Variants in CACNA1E observed in about 807,000 individuals in gnomAD.
The protein encoded by CACNA1E is voltage-dependent R-type calcium channel subunit alpha-1E.
Under a neutral mutation model 259.2 loss-of-function variants are expected in CACNA1E, and 40 were observed. The observed-to-expected ratio is 0.15, with a 90% CI of 0.12 to 0.20. The LOEUF (loss-of-function observed/expected upper bound fraction) is 0.20. Ranked by LOEUF, CACNA1E falls within the 10% of genes least tolerant of loss-of-function variation. CACNA1E has a pLI of 1.00. For synonymous variants in CACNA1E, 1,104 were observed against 1,138.5 expected (o/e 0.97, Z 0.61); for missense variants, 1,874 against 3,040.1 (o/e 0.62, Z 9.02).
intron 1 of CACNA1E, among the ~76,000 whole-genome samples, chr1:181,502,867 T>A (rs1375027297): frequency 1.3e-5 from 2 of 152,116 alleles, no homozygotes; most frequent in South Asian, 4.1e-4. Flanking sequence ...TCTGGCTAAT[T>A]TTTGTATTAA....
At chr1:181,642,939 G>T (rs1558219252) in intron 6 of CACNA1E, among the ~76,000 whole-genome samples, 1 of 151,976 alleles carries the variant, frequency 6.6e-6, no homozygotes. Flanking sequence ...CTTTGTTATT[G>T]CATGATAGTT....
At chr1:181,713,549 A>T (rs533582872) in intron 8 of CACNA1E, among the ~76,000 whole-genome samples, 1 of 152,322 alleles carries the variant, frequency 6.6e-6, no homozygotes, top group South Asian at 2.1e-4. Flanking sequence ...TAGGAAATAC[A>T]TTATGTACTC....
intron 1 of CACNA1E, among the ~76,000 whole-genome samples, chr1:181,383,461 A>C (rs547432527): frequency 1.3e-5 from 2 of 152,346 alleles, no homozygotes; most frequent in Non-Finnish European, 2.9e-5. Context: ...AGAAGTAGTA[A>C]ACGGAGCAGT....
chr1:181,349,567 C>A (rs1652871126), intron 1 of CACNA1E, among the ~76,000 whole-genome samples: 1 of 152,084 alleles, frequency 6.6e-6, no homozygotes, highest in African/African-American at 2.4e-5. Flanking sequence ...ATGAGAGAGA[C>A]AGTGAGGGGG....
intron 1 of CACNA1E, among the ~76,000 whole-genome samples, chr1:181,400,442 G>A (rs967750949): frequency 1.3e-5 from 2 of 152,136 alleles, no homozygotes; most frequent in African/African-American, 4.8e-5. Context: ...CAGACTGGCC[G>A]TGGCTGCAGG....
In CACNA1E at chr1:181,804,825, T is replaced by A. The variant is rs1041117772; in HGVS notation, c.*5991T>A. ...ATTGCTATAAGCATTTGATTTTTTT[T>A]AAGGAAACTTCCTGTTTAATGGAAT... On this transcript the variant is annotated 3_prime_UTR_variant, in exon 48 of 48. Coordinates refer to ENST00000367573, the MANE Select transcript of CACNA1E (RefSeq NM_001205293.3). 1 of 151,982 alleles carries A rather than the reference T, an allele frequency of 6.6e-6. No individual in the cohort carries two copies. The highest frequency in any genetic ancestry group is 1.5e-5 in the Non-Finnish European group (1 of 67,986). 9.4% of individuals were successfully genotyped at this position (151,982 alleles called of 1,614,324 possible).
intron 1 of CACNA1E, among the ~76,000 whole-genome samples, chr1:181,360,527 G>T (rs888461875): frequency 6.6e-6 from 1 of 152,152 alleles, no homozygotes; most frequent in African/African-American, 2.4e-5. Flanking sequence ...TGTTTGTTTG[G>T]AATGTCCAGA....
chr1:181,660,800 A>G (rs997961215), intron 7 of CACNA1E, among the ~76,000 whole-genome samples: 8 of 152,222 alleles, frequency 5.3e-5, no homozygotes, highest in African/African-American at 1.9e-4. Flanking sequence ...ATTGAAGGTG[A>G]CTGGCTAACA....
chr1:181,733,620 G>A lies in CACNA1E; in HGVS notation c.3132G>A (p.Arg1044=). 1 of 1,612,928 alleles carries A rather than the reference G, an allele frequency of 6.2e-7. No individual in the cohort carries two copies. The highest frequency in any genetic ancestry group is 1.1e-5 in the South Asian group (1 of 90,754). Residue 1044 remains arginine, a synonymous_variant, in exon 21 of 48, where the codon CGG becomes CGA. Coordinates refer to ENST00000367573, the MANE Select transcript of CACNA1E (RefSeq NM_001205293.3). The part of the protein sequence containing the change: ...LLGNVQLDMG[R]VISQSEPDLS... ...GGAATGTGCAGCTAGACATGGGCCGGGTCATCAGCCAGAGCGAGCCTGACC... is the reference window on the plus strand; with the variant it reads ...GGAATGTGCAGCTAGACATGGGCCGAGTCATCAGCCAGAGCGAGCCTGACC...
intron 44 of CACNA1E, among the ~76,000 whole-genome samples, chr1:181,793,158 A>G (rs1344242204): frequency 6.6e-6 from 1 of 152,158 alleles, no homozygotes. Flanking sequence ...CACCCACCAC[A>G]TCTTTGGATG....
chr1:181,649,379 C>CA (rs111445921), intron 6 of CACNA1E, among the ~76,000 whole-genome samples: 7,911 of 140,102 alleles, frequency 0.056, 250 homozygotes, highest in African/African-American at 0.094. Context: ...AGTGTAGGGG[C>CA]AAAAAAAAAA....
chr1:181,615,726 T>G, intron 6 of CACNA1E, among the ~76,000 whole-genome samples: 1 of 97,802 alleles, frequency 1.0e-5, no homozygotes, highest in South Asian at 3.6e-4. Flanking sequence ...TTTCAATTCT[T>G]ATTCCCTTTT....
chr1:181,698,667 G>A (rs1651944848), intron 7 of CACNA1E, among the ~76,000 whole-genome samples: 1 of 151,936 alleles, frequency 6.6e-6, no homozygotes, highest in Admixed American at 6.6e-5. Flanking sequence ...CTAGGCACTG[G>A]AGTCCATGAC....
intron 38 of CACNA1E, among the ~76,000 whole-genome samples, chr1:181,777,413 T>G (rs182220777): frequency 1.3e-4 from 20 of 152,348 alleles, no homozygotes; most frequent in Non-Finnish European, 2.6e-4. Context: ...CTGTTGAACT[T>G]GGGTCACTGT....
chr1:181,621,611 G>A (rs1245624546), intron 6 of CACNA1E, among the ~76,000 whole-genome samples: 1 of 152,124 alleles, frequency 6.6e-6, no homozygotes, highest in African/African-American at 2.4e-5. Flanking sequence ...TGTCAATAAG[G>A]GAGGACAGAA....
At chr1:181,482,810 T>TGCTCGCCGCCCGCCCGC (rs1220409359), upstream of CACNA1E, among the ~76,000 whole-genome samples, 2 of 152,332 alleles carry the variant, frequency 1.3e-5, no homozygotes, top group African/African-American at 4.8e-5. Flanking sequence ...CGCCCGCCGG[T>TGCTCGCCGCCCGCCCGC]GCTCGCCGCC....
chr1:181,759,138 G>T (rs967503898), intron 32 of CACNA1E, among the ~76,000 whole-genome samples: 1 of 152,202 alleles, frequency 6.6e-6, no homozygotes, highest in African/African-American at 2.4e-5. Context: ...CACTAGAACT[G>T]CAATTTATGT....
intron 7 of CACNA1E, among the ~76,000 whole-genome samples, chr1:181,676,503 C>T (rs572811655): frequency 2.0e-5 from 3 of 151,974 alleles, no homozygotes; most frequent in Non-Finnish European, 4.4e-5. Flanking sequence ...TTGTTGCCCA[C>T]GAGACTATCT....
chr1:181,766,450 C>A, intron 34 of CACNA1E, 96 bp from the exon 35 acceptor site: 2 of 836,214 alleles, frequency 2.4e-6, no homozygotes, highest in Non-Finnish European at 4.1e-6. Context: ...TTTGCATTAG[C>A]CTCCAGGCAA....
Sources: gnomAD v4.1 joint callset for allele counts (sites outside exome capture counted in the v4.1 genomes callset) on GRCh38, gnomAD v4.1.1 for gene constraint, MANE v1.5 for transcripts, NCBI Gene and HGNC (gene_info 2026-07-23, HGNC 2026-07-21) for gene names.